OSBPL1A: variants seen among roughly 807,000 people sequenced by gnomAD.
OSBPL1A encodes the protein oxysterol binding protein like 1A.
In OSBPL1A, 80 loss-of-function variants were observed where a neutral mutation model predicts 137.1. The ratio of observed to expected loss-of-function variants is 0.58; its 90% CI spans 0.49 to 0.70. The LOEUF (loss-of-function observed/expected upper bound fraction) is 0.70, where lower values mean the gene tolerates loss of function less well. Among genes scored for constraint, OSBPL1A ranks in the 30% least tolerant of loss-of-function variants. OSBPL1A has a pLI of 0.00. For synonymous variants in OSBPL1A, 365 were observed against 389.7 expected, an observed-to-expected ratio of 0.94 and a Z score of 0.75; for missense variants, 970 against 1,129.4, an observed-to-expected ratio of 0.86 and a Z score of 2.02.
At chr18:24,225,296 A>G in intron 16 of OSBPL1A, 98 bp from the exon 17 acceptor site, 1 of 1,307,182 alleles carries the variant, frequency 7.7e-7, no homozygotes, top group Non-Finnish European at 1.1e-6. Flanking sequence ...TTGAAACCTA[A>G]GCAGCCTACT....
intron 4 of OSBPL1A, among the ~76,000 whole-genome samples, chr18:24,351,593 G>A (rs1335433786): frequency 6.6e-6 from 1 of 152,114 alleles, no homozygotes. Flanking sequence ...AGGCTGGAGT[G>A]CAATGGCACA....
Position 24,172,441 on chromosome 18 carries a change from C to T in OSBPL1A, c.2136G>A (p.Val712=). 1 of 1,614,088 alleles carries T rather than the reference C, an allele frequency of 6.2e-7. No homozygotes were observed. Residue 712 remains valine, a synonymous_variant, in exon 22 of 28, where the codon GTG becomes GTA. Coordinates refer to ENST00000319481, the MANE Select transcript of OSBPL1A (RefSeq NM_080597.4). The part of the protein sequence containing the change: ...AYTWTNPTCC[V]HNIIVGKLWI... Reference sequence around the variant, plus strand: ...ACAGTTTACCCACAATGATATTATGCACACAGCAGGTGGGATTTGTCCATG... The same window carrying T: ...ACAGTTTACCCACAATGATATTATGTACACAGCAGGTGGGATTTGTCCATG...
intron 2 of OSBPL1A, among the ~76,000 whole-genome samples, chr18:24,374,054 T>C (rs1450292047): frequency 4.6e-5 from 7 of 152,132 alleles, no homozygotes; most frequent in African/African-American, 1.7e-4. Context: ...CTGAGGATGA[T>C]CAAATGTTTT....
intron 14 of OSBPL1A, among the ~76,000 whole-genome samples, chr18:24,283,978 A>ATG (rs1219334811): frequency 4.6e-5 from 7 of 152,290 alleles, no homozygotes; most frequent in East Asian, 1.9e-4. Flanking sequence ...ATATATATAT[A>ATG]AAGAAGTTTT....
intron 17 of OSBPL1A, among the ~76,000 whole-genome samples, chr18:24,222,216 T>C (rs527717425): frequency 1.1e-4 from 16 of 152,316 alleles, no homozygotes; most frequent in South Asian, 2.1e-4. Context: ...TTTAATTTTG[T>C]TGAAATGTTT....
intron 4 of OSBPL1A, chr18:24,366,261 C>T (rs2091699996): frequency 6.6e-6 from 1 of 152,202 alleles, no homozygotes; most frequent in South Asian, 2.1e-4. Flanking sequence ...CAAGAACCTC[C>T]ACGTGTTCAG....
At chr18:24,259,238 T>G (rs1033652772) in intron 15 of OSBPL1A, among the ~76,000 whole-genome samples, 3 of 152,166 alleles carry the variant, frequency 2.0e-5, no homozygotes, top group South Asian at 2.1e-4. Context: ...CCGTATTAAA[T>G]ATTTGTGCAC....
intron 4 of OSBPL1A, among the ~76,000 whole-genome samples, chr18:24,364,323 G>C (rs1045234213): frequency 1.3e-5 from 2 of 152,214 alleles, no homozygotes; most frequent in African/African-American, 4.8e-5. Flanking sequence ...GAAATGCCTG[G>C]ACTCTGAAAG....
intron 22 of OSBPL1A, 121 bp downstream of exon 22, chr18:24,172,255 A>C: frequency 1.3e-6 from 1 of 756,360 alleles, no homozygotes; most frequent in African/African-American, 1.8e-5. Context: ...CATGATTCTT[A>C]AATTTTCATC....
In OSBPL1A at chr18:24,311,969, CA is replaced by C. The variant is rs758445569; in HGVS notation, c.1092+14del. ...ATAGATAGCTATAAAGGTCAGGTTA[CA>C]TTTTCCTATTTACCTCTAATGATTT... On this transcript the variant is annotated intron_variant, in intron 13 of 27. Transcript: ENST00000319481. 5 of 1,613,650 alleles carry C rather than the reference CA, an allele frequency of 3.1e-6. No homozygotes were observed. Among genetic ancestry groups the C allele is most frequent in the African/African-American group, 1.3e-5 (1 of 75,026 alleles).
intron 16 of OSBPL1A, among the ~76,000 whole-genome samples, chr18:24,237,437 TG>T (rs1384949710): frequency 1.3e-5 from 2 of 152,098 alleles, no homozygotes; most frequent in Non-Finnish European, 2.9e-5. Flanking sequence ...TCTGAGCAGC[TG>T]GGATTACAGG....
At chr18:24,201,631 C>T (rs959732727) in intron 17 of OSBPL1A, among the ~76,000 whole-genome samples, 7 of 152,032 alleles carry the variant, frequency 4.6e-5, no homozygotes, top group African/African-American at 1.7e-4. Flanking sequence ...AGCGTGGTGG[C>T]ACATGCCTGC....
At chr18:24,226,199 C>A (rs1279657820) in intron 16 of OSBPL1A, among the ~76,000 whole-genome samples, 1 of 152,084 alleles carries the variant, frequency 6.6e-6, no homozygotes, top group Non-Finnish European at 1.5e-5. Flanking sequence ...AGGCATTTCA[C>A]ATTCTTCATC....
At chr18:24,272,134 G>C in intron 15 of OSBPL1A, 1 of 984,074 alleles carries the variant, frequency 1.0e-6, no homozygotes, top group Non-Finnish European at 1.2e-6. Flanking sequence ...GAGAGGTCGG[G>C]GACTGCTCCT....
chr18:24,240,129 G>A (rs987896001), intron 15 of OSBPL1A, among the ~76,000 whole-genome samples: 1 of 151,962 alleles, frequency 6.6e-6, no homozygotes, highest in African/African-American at 2.4e-5. Flanking sequence ...TCACCATGTT[G>A]GCCAGGCTGG....
At chr18:24,315,974 A>G (rs1291911075) in intron 11 of OSBPL1A, among the ~76,000 whole-genome samples, 1 of 146,982 alleles carries the variant, frequency 6.8e-6, no homozygotes, top group Non-Finnish European at 1.5e-5. Flanking sequence ...ATTACCTGAC[A>G]TACGGGCTGG....
chr18:24,240,303 G>A (rs564529848), intron 15 of OSBPL1A, among the ~76,000 whole-genome samples: 1 of 152,110 alleles, frequency 6.6e-6, no homozygotes. Flanking sequence ...AAAGTCAAAA[G>A]ATTATCAAAA....
At chr18:24,315,968 C>T (rs73394335) in intron 11 of OSBPL1A, among the ~76,000 whole-genome samples, 11,368 of 144,240 alleles carry the variant, frequency 0.079, 1,499 homozygotes, top group African/African-American at 0.27. Flanking sequence ...TCCAAAATTA[C>T]CTGACATACG....
rs754810417 is a variant in OSBPL1A, at chr18:24,207,675, C to T, written c.1602-11475G>A. 5.9e-5 allele frequency among the ~76,000 whole-genome samples: 9 copies of T among 152,234 alleles called. No homozygotes were observed. In the South Asian group the frequency reaches 8.3e-4, roughly 14 times the overall value. ...GTATGTATACATGTATACTGTTATA[C>T]GTGTGTTTTGCACTTGTGTGTGTAT... On this transcript the variant is annotated intron_variant, in intron 17 of 27. Coordinates refer to ENST00000319481, the MANE Select transcript of OSBPL1A (RefSeq NM_080597.4).
Sources: gnomAD v4.1 joint callset for allele counts (sites outside exome capture counted in the v4.1 genomes callset) on GRCh38, gnomAD v4.1.1 for gene constraint, MANE v1.5 for transcripts, NCBI Gene and HGNC (gene_info 2026-07-23, HGNC 2026-07-21) for gene names.